SETBP1: variants seen among roughly 807,000 people sequenced by gnomAD.
SETBP1 encodes the protein SET-binding protein.
A neutral mutation model predicts 101.0 loss-of-function variants in SETBP1; 9 were observed. The observed-to-expected ratio is 0.09, with a 90% confidence interval of 0.05 to 0.16. The LOEUF is 0.16. Ranked by LOEUF, SETBP1 falls within the 10% of genes least tolerant of loss-of-function variation. The pLI is 1.00. For missense variants in SETBP1, 1,858 were observed against 2,033.8 expected, an observed-to-expected ratio of 0.91 and a Z score of 1.66; for synonymous variants, 818 against 788.5, an observed-to-expected ratio of 1.04 and a Z score of -0.63.
At chr18:44,917,261 C>T (rs930514971) in intron 3 of SETBP1, among the ~76,000 whole-genome samples, 14 of 152,092 alleles carry the variant, frequency 9.2e-5, no homozygotes, top group African/African-American at 2.7e-4. Flanking sequence ...ATTTGTAAAA[C>T]GAAAAGGTGG....
At chr18:44,994,090 A>T (rs1310011433) in intron 4 of SETBP1, among the ~76,000 whole-genome samples, 4 of 152,138 alleles carry the variant, frequency 2.6e-5, no homozygotes, top group African/African-American at 9.6e-5. Flanking sequence ...TTTGCATTTT[A>T]TATTACCAAA....
intron 5 of SETBP1, 91 bp from the exon 6 acceptor site, chr18:45,062,988 A>G: frequency 6.4e-7 from 1 of 1,554,388 alleles, no homozygotes. Flanking sequence ...TAATCTTTAT[A>G]GCCAAGTAGA....
At chr18:44,917,479 A>C (rs1395985181) in intron 3 of SETBP1, among the ~76,000 whole-genome samples, 1 of 152,138 alleles carries the variant, frequency 6.6e-6, no homozygotes, top group Admixed American at 6.5e-5. Context: ...CAAAGCTTTA[A>C]AATTTTTTTA....
chr18:45,056,231 A>G (rs754515532), intron 5 of SETBP1, among the ~76,000 whole-genome samples: 2 of 152,206 alleles, frequency 1.3e-5, no homozygotes, highest in Non-Finnish European at 2.9e-5. Flanking sequence ...CTCATTACAA[A>G]GTATTTTGAA....
chr18:44,928,641 A>G, intron 3 of SETBP1, among the ~76,000 whole-genome samples: 1 of 152,174 alleles, frequency 6.6e-6, no homozygotes. Context: ...GTGAGATGGT[A>G]TCTCATTGTG....
intron 2 of SETBP1, among the ~76,000 whole-genome samples, chr18:44,769,921 G>C (rs928874874): frequency 3.9e-5 from 6 of 152,214 alleles, no homozygotes; most frequent in African/African-American, 1.4e-4. Context: ...ACCAGCTGCT[G>C]TGTGGCCTCA....
At chr18:44,882,611 A>G (rs928792224) in intron 3 of SETBP1, among the ~76,000 whole-genome samples, 1 of 151,770 alleles carries the variant, frequency 6.6e-6, no homozygotes, top group Non-Finnish European at 1.5e-5. Context: ...ATTGCCTCCT[A>G]GTGAGTGACT....
Position 44,950,440 on chromosome 18 carries a change from G to C in SETBP1, c.1100G>C (p.Gly367Ala), listed in dbSNP as rs367742803. The C allele has an allele frequency of 1.9e-6, 3 of 1,614,026 alleles. No homozygotes were observed. The African/African-American group carries it at 4.0e-5, about 22-fold the overall frequency. ...NAQKAFDNTE[G>A]KREGYSADSA... ...CAGAAAGCATTTGACAATACAGAAG[G>C]GAAAAGGGAAGGTTATTCCGCAGAT... is the stretch of plus-strand genomic sequence containing the variant. Residue 367 changes from glycine (G) to alanine (A), a missense_variant, in exon 4 of 6, where the codon GGG becomes GCG. This residue lies in a region of SETBP1 where 581 missense variants were observed against 535.1 expected (regional missense o/e 1.09). Coordinates refer to ENST00000649279, the MANE Select transcript of SETBP1 (RefSeq NM_015559.3).
At position 45,057,977 on chromosome 18, in the gene SETBP1, T is replaced by C. The variant is rs189754451; in HGVS notation, c.4172-5102T>C. ...AAACGACTTGACAAAATCAACAGAA[T>C]GCTGATGAGCCAATCTTCTGATAAT... On this transcript the variant is annotated intron_variant, in intron 5 of 5. Coordinates refer to ENST00000649279, the MANE Select transcript of SETBP1 (RefSeq NM_015559.3). Among the ~76,000 whole-genome samples, 289 of 152,330 alleles carry C rather than the reference T, an allele frequency of 1.9e-3. 2 individuals carry two copies. Among genetic ancestry groups the C allele is most frequent in the African/African-American group, 6.7e-3 (277 of 41,566 alleles).
chr18:44,956,208 C>A (rs1221461066), intron 4 of SETBP1, among the ~76,000 whole-genome samples: 1 of 152,054 alleles, frequency 6.6e-6, no homozygotes, highest in African/African-American at 2.4e-5. Flanking sequence ...CCCTTCCAAG[C>A]CTTAGCCTCT....
At chr18:44,898,413 T>C (rs1184661087) in intron 3 of SETBP1, among the ~76,000 whole-genome samples, 1 of 152,206 alleles carries the variant, frequency 6.6e-6, no homozygotes, top group Non-Finnish European at 1.5e-5. Context: ...ACAAATTTTC[T>C]GTCTCCAACT....
intron 2 of SETBP1, among the ~76,000 whole-genome samples, chr18:44,727,426 T>C (rs573977174): frequency 6.6e-6 from 1 of 152,280 alleles, no homozygotes; most frequent in South Asian, 2.1e-4. Flanking sequence ...TCAGATGACA[T>C]TCTAAACTTG....
chr18:44,681,697 C>T (rs1214108416), intron 1 of SETBP1, among the ~76,000 whole-genome samples: 1 of 151,994 alleles, frequency 6.6e-6, no homozygotes, highest in Non-Finnish European at 1.5e-5. Flanking sequence ...GTTCTTATTG[C>T]CCCCTAATGC....
intron 5 of SETBP1, among the ~76,000 whole-genome samples, chr18:45,041,194 A>AT (rs1018026140): frequency 1.3e-5 from 2 of 152,066 alleles, no homozygotes; most frequent in African/African-American, 4.8e-5. Context: ...GCAAAGGCAG[A>AT]TTTTTTTTCT....
chr18:44,898,977 A>T (rs569449772), intron 3 of SETBP1, among the ~76,000 whole-genome samples: 10 of 152,292 alleles, frequency 6.6e-5, no homozygotes, highest in African/African-American at 2.2e-4. Context: ...GATTGCCCAA[A>T]TGGAAATACT....
At chr18:44,922,292 AT>A (rs966288337) in intron 3 of SETBP1, among the ~76,000 whole-genome samples, 2 of 152,204 alleles carry the variant, frequency 1.3e-5, no homozygotes, top group Non-Finnish European at 2.9e-5. Flanking sequence ...AGGAATAGAG[AT>A]TTTGGTAAGT....
At chr18:44,955,247 C>T (rs923268686) in intron 4 of SETBP1, among the ~76,000 whole-genome samples, 12 of 152,192 alleles carry the variant, frequency 7.9e-5, no homozygotes, top group African/African-American at 2.9e-4. Flanking sequence ...GCATTTATAT[C>T]GCATTCATCA....
chr18:44,862,505 A>G (rs1210981487), intron 2 of SETBP1, among the ~76,000 whole-genome samples: 2 of 152,060 alleles, frequency 1.3e-5, no homozygotes, highest in Admixed American at 6.6e-5. Flanking sequence ...TCTCTACACT[A>G]CCCGTCCACT....
At chr18:45,028,084 G>T (rs185688373) in intron 4 of SETBP1, among the ~76,000 whole-genome samples, 12 of 151,780 alleles carry the variant, frequency 7.9e-5, no homozygotes, top group Admixed American at 6.6e-4. Flanking sequence ...GTATGTATAC[G>T]TGTGCCATGC....
Sources: allele counts gnomAD v4.1 joint callset (sites outside exome capture counted in the v4.1 genomes callset), GRCh38; gene constraint gnomAD v4.1.1; regional missense constraint gnomAD v4.1.1; transcripts MANE v1.5; gene names NCBI Gene and HGNC (gene_info 2026-07-23, HGNC 2026-07-21).